The following PTCH2 variants were observed in gnomAD, a reference collection of about 807,000 sequenced individuals.
The protein encoded by PTCH2 is patched 2.
PTCH2 carries 96 observed loss-of-function variants against 117.9 expected under a neutral mutation model. That is an observed-to-expected ratio of 0.81 (90% CI 0.69 to 0.96). The LOEUF (loss-of-function observed/expected upper bound fraction) is 0.96, where lower values mean the gene tolerates loss of function less well. Among genes scored for constraint, PTCH2 ranks in the 50% least tolerant of loss-of-function variants. The pLI is 0.00. For missense variants in PTCH2, 1,379 were observed against 1,562.5 expected, an observed-to-expected ratio of 0.88 and a Z score of 1.98; for synonymous variants, 615 against 660.9, an observed-to-expected ratio of 0.93 and a Z score of 1.06.
Position 44,822,528 on chromosome 1 carries a change from G to A in PTCH2, c.3499C>T (p.Pro1167Ser), listed in dbSNP as rs776347216. Residue 1167 changes from proline to serine, a missense_variant, in exon 22 of 22, where the codon CCC becomes TCC. Coordinates refer to ENST00000372192, the MANE Select transcript of PTCH2 (RefSeq NM_003738.5). Reference sequence around the variant, plus strand: ...TGGATGTAGGCACCAGGCAGGGGGGGTGGGTGGATGGCCACGGTCATGGAG... The same window carrying A: ...TGGATGTAGGCACCAGGCAGGGGGGATGGGTGGATGGCCACGGTCATGGAG... ...TTSMTVAIHPPPLPGAYIHPA... is the reference protein window; with the variant it reads ...TTSMTVAIHPSPLPGAYIHPA... 3 of 1,614,082 alleles carry A rather than the reference G, an allele frequency of 1.9e-6. No homozygotes were observed. The highest frequency in any genetic ancestry group is 2.2e-5 in the South Asian group (2 of 91,086).
rs576099286 is a variant in PTCH2 at position 44,839,178 on chromosome 1, G to C, written c.265+2669C>G. Among the ~76,000 whole-genome samples, 4 of 152,146 alleles carry C rather than the reference G, an allele frequency of 2.6e-5. No individual in the cohort carries two copies. In the South Asian group the frequency reaches 8.3e-4, roughly 32 times the overall value. The stretch of plus-strand genomic sequence containing the variant: ...TCACAAGGTCAGGAGATCGAGGCCA[G>C]CATGGCCAACATGGTGACACCCTGT... On this transcript the variant is annotated intron_variant, in intron 2 of 21. Coordinates refer to ENST00000372192, the MANE Select transcript of PTCH2 (RefSeq NM_003738.5).
chr1:44,822,933 G>T, intron 21 of PTCH2, 136 bp downstream of exon 21: 1 of 1,022,758 alleles, frequency 9.8e-7, no homozygotes, highest in Non-Finnish European at 1.5e-6. Context: ...GAAAGGAGGA[G>T]GCTGCCACCT....
downstream of PTCH2, chr1:44,821,785 T>C (rs888188703): frequency 2.0e-5 from 27 of 1,331,296 alleles, no homozygotes; most frequent in Non-Finnish European, 5.0e-6. Context: ...TTACCAAGTA[T>C]ATGACAAAAA....
Position 44,823,264 on chromosome 1 carries a change from G to A in PTCH2, c.3236C>T (p.Ser1079Phe). 1 of 1,614,226 alleles carries A rather than the reference G, an allele frequency of 6.2e-7. No homozygotes were observed. Among genetic ancestry groups the A allele is most frequent in the Non-Finnish European group, 8.5e-7 (1 of 1,180,046 alleles). ...TLLGLLMLAG[S>F]HFDFIVRYFF... ...CTACCTTACAATGAAGTCAAAGTGG[G>A]AACCAGCAAGCATGAGCAGACCCAG... Residue 1079 changes from serine (S) to phenylalanine (F), a missense_variant, in exon 20 of 22, where the codon TCC (serine) becomes TTC (phenylalanine). Coordinates refer to ENST00000372192, the MANE Select transcript of PTCH2 (RefSeq NM_003738.5). The surrounding 1 kb of genome is among the most constrained non-coding windows in gnomAD (Gnocchi z 5.1).
Position 44,824,505 on chromosome 1 carries a change from T to G in PTCH2, c.3115-1120A>C, listed in dbSNP as rs1653057927. Among the ~76,000 whole-genome samples the G allele has an allele frequency of 2.0e-5, 3 of 151,766 alleles. No individual in the cohort carries two copies. The South Asian group carries it at 6.2e-4, about 32-fold the overall frequency. On this transcript the variant is annotated intron_variant, in intron 19 of 21. Coordinates refer to ENST00000372192, the MANE Select transcript of PTCH2 (RefSeq NM_003738.5). ...TGCCATCCCGCTACCATCCCATTTT[T>G]TTTTTTTTTTGAGACAGGATCTTAC...
In PTCH2 at chr1:44,843,004, T is replaced by G; in HGVS notation, c.-72A>C. ...GGCGCTCCCATAGGCTAGCCCGGTC[T>G]CCCGGTACCGCTGGGCCCCGCGTAG... On this transcript the variant is annotated 5_prime_UTR_variant, in exon 1 of 22. Coordinates refer to ENST00000372192, the MANE Select transcript of PTCH2 (RefSeq NM_003738.5). 6.9e-7 allele frequency: 1 copy of G among 1,458,390 alleles called. No homozygotes were observed. Among genetic ancestry groups the G allele is most frequent in the African/African-American group, 1.4e-5 (1 of 69,828 alleles). 90.3% of individuals were successfully genotyped at this position (1,458,390 alleles called of 1,614,324 possible). A position where few individuals can be genotyped will look rare whatever the true frequency, so the allele number is the denominator to read the frequency against.
rs201767824 is a variant in PTCH2 at position 44,823,230 on chromosome 1, G to A, written c.3257+13C>T. 3.3e-5 allele frequency: 53 copies of A among 1,614,142 alleles called. No individual in the cohort carries two copies. The highest frequency in any genetic ancestry group is 2.7e-4 in the East Asian group (12 of 44,886). ...GTCCTGAGCCCTGCCTCCCTGCCCC[G>A]AGCCCTCCCTACCTTACAATGAAGT... On this transcript the variant is annotated intron_variant, in intron 20 of 21. Coordinates refer to ENST00000372192, the MANE Select transcript of PTCH2 (RefSeq NM_003738.5). This position sits in a 1 kb window ranked among gnomAD's most constrained non-coding sequence, Gnocchi z 5.1.
In PTCH2 at chr1:44,829,560, G is replaced by A. The variant is rs766708013; in HGVS notation, c.1084-27C>T. 9.9e-6 allele frequency: 16 copies of A among 1,614,142 alleles called. No individual in the cohort carries two copies. The South Asian group carries it at 1.6e-4, about 17-fold the overall frequency. ...TGGAGAAACAGGGTGGATAGGAGGG[G>A]GCAGGAGGAGGGAATGGCCTCAGGG... On this transcript the variant is annotated intron_variant, in intron 8 of 21. Coordinates refer to ENST00000372192, the MANE Select transcript of PTCH2 (RefSeq NM_003738.5).
At chr1:44,830,769 C>A in intron 6 of PTCH2, 79 bp downstream of exon 6, 1 of 1,412,196 alleles carries the variant, frequency 7.1e-7, no homozygotes. Context: ...GAGCAGTCAG[C>A]TCCCCCAGAA....
chr1:44,830,496 A>C (rs1426201262), intron 6 of PTCH2, among the ~76,000 whole-genome samples: 1 of 149,934 alleles, frequency 6.7e-6, no homozygotes, highest in Non-Finnish European at 1.5e-5. Flanking sequence ...CCAGCTACTC[A>C]GGAGGCTAAG....
At chr1:44,829,339 G>A (rs1405318426) in intron 9 of PTCH2, 27 bp from the exon 10 acceptor site, 1 of 1,613,766 alleles carries the variant, frequency 6.2e-7, no homozygotes, top group Admixed American at 1.7e-5. Context: ...CAGTCTCAGG[G>A]GCTCCCAGGG....
rs1457433264 is a variant in PTCH2 at position 44,822,045 on chromosome 1, G to A, written c.*370C>T. 12 of 1,350,352 alleles carry A rather than the reference G, an allele frequency of 8.9e-6. No individual in the cohort carries two copies. The Admixed American group carries it at 2.1e-4, about 23-fold the overall frequency. 83.6% of individuals were successfully genotyped at this position (1,350,352 alleles called of 1,614,324 possible). On this transcript the variant is annotated 3_prime_UTR_variant, in exon 22 of 22. Transcript: ENST00000372192. ...CATTTTCATATAAATAATGGATGTG[G>A]TAGGAGGTGGGCAGGGATATGGAGA... is the stretch of plus-strand genomic sequence containing the variant.
chr1:44,842,764 TGACACTC>T, intron 1 of PTCH2, 90 bp downstream of exon 1: 1 of 1,250,458 alleles, frequency 8.0e-7, no homozygotes, highest in African/African-American at 1.5e-5. Context: ...AGACATCTAA[TGACACTC>T]GGCACTTCAA....
rs1171148712 is a variant in PTCH2, at chr1:44,843,130, G to A, written c.-198C>T. ...GAGTGCAGGGAGCTGCGGGTCCGGG[G>A]CGCGGCGCCGGGATTCACCCGCTCC... On this transcript the variant is annotated 5_prime_UTR_variant, in exon 1 of 22. Coordinates refer to ENST00000372192, the MANE Select transcript of PTCH2 (RefSeq NM_003738.5). 3.1e-5 allele frequency: 41 copies of A among 1,311,616 alleles called. No individual in the cohort carries two copies. The highest frequency in any genetic ancestry group is 3.7e-5 in the Admixed American group (1 of 26,886). The allele number at this position is 1,311,616 out of a possible 1,614,324, so 81.2% of individuals were successfully genotyped here. A position where few individuals can be genotyped will look rare whatever the true frequency, so the allele number is the denominator to read the frequency against.
In PTCH2 at chr1:44,829,978, T is replaced by C; in HGVS notation, c.866A>G (p.Lys289Arg). ...LSGGCHGFSHKFMHWQEELLL... is the reference protein window; with the variant it reads ...LSGGCHGFSHRFMHWQEELLL... ...CAATTCCTCCTGCCAGTGCATGAAT[T>C]TGTGGGAGAAGCCATGGCAGCCCCC... Residue 289 changes from lysine to arginine, a missense_variant, in exon 7 of 22, where the codon AAA becomes AGA. Transcript: ENST00000372192. The C allele has an allele frequency of 6.2e-7, 1 of 1,614,120 alleles. No homozygotes were observed. Among genetic ancestry groups the C allele is most frequent in the Non-Finnish European group, 8.5e-7 (1 of 1,180,008 alleles).
At chr1:44,834,122 C>CT (rs10695694) in intron 2 of PTCH2, among the ~76,000 whole-genome samples, 2,693 of 140,958 alleles carry the variant, frequency 0.019, 80 homozygotes, top group African/African-American at 0.056. Context: ...AGTTCCTTCC[C>CT]TTTTTTTTTT....
chr1:44,838,059 G>A (rs1653765177), intron 2 of PTCH2, among the ~76,000 whole-genome samples: 1 of 148,390 alleles, frequency 6.7e-6, no homozygotes, highest in Admixed American at 6.8e-5. Context: ...TCCAGTGTGG[G>A]CAACACATCA....
In PTCH2 at chr1:44,822,431, C is replaced by T; in HGVS notation, c.3596G>A (p.Gly1199Asp). ...GCTGCTCTTTCACCCAGTGGCTGGA[C>T]CTGGTCCCCTGGAACTGAGGTTGCC... The part of the protein sequence containing the change: ...SSGNLSSRGP[G>D]PATG The change falls in exon 22 of 22, where the codon GGT (glycine) becomes GAT (aspartate). Residue 1199 changes from glycine (G) to aspartate (D), a missense_variant. Physicochemically the swap from Gly to Asp is moderately conservative, Grantham distance 94 (BLOSUM62 -1). Transcript: ENST00000372192. The T allele has an allele frequency of 1.2e-6, 2 of 1,613,828 alleles. No individual in the cohort carries two copies. The highest frequency in any genetic ancestry group is 1.7e-6 in the Non-Finnish European group (2 of 1,180,032).
In PTCH2 at chr1:44,827,824, C is replaced by G; in HGVS notation, c.2058+19G>C. 6.2e-7 allele frequency: 1 copy of G among 1,613,800 alleles called. No homozygotes were observed. Among genetic ancestry groups the G allele is most frequent in the Non-Finnish European group, 8.5e-7 (1 of 1,179,848 alleles). ...GGCCCAGAGATGCTAAGTCTCTGCC[C>G]TGCTCTGCCCAGTCTTACCTTAGCA... On this transcript the variant is annotated intron_variant, in intron 14 of 21. Transcript: ENST00000372192.
Sources: gnomAD v4.1 joint callset for allele counts (sites outside exome capture counted in the v4.1 genomes callset) on GRCh38, gnomAD v4.1.1 for gene constraint, Gnocchi (gnomAD v3.1) non-coding constraint, MANE v1.5 for transcripts, NCBI Gene and HGNC (gene_info 2026-07-23, HGNC 2026-07-21) for gene names.